ADAT1: variants seen among roughly 807,000 people sequenced by gnomAD.
ADAT1 encodes tRNA-specific adenosine deaminase 1.
In ADAT1, 58 loss-of-function variants were observed where a neutral mutation model predicts 58.6. The ratio of observed to expected loss-of-function variants is 0.99; its 90% CI spans 0.80 to 1.23. The LOEUF is 1.23. Among genes scored for constraint, ADAT1 ranks in the 50% most tolerant of loss-of-function variants. The probability of loss-of-function intolerance (pLI) is 0.00; values close to 1 mark genes in which losing one functional copy is unlikely to be tolerated. For missense variants in ADAT1, 741 were observed against 608.6 expected (o/e 1.22, Z -2.29); for synonymous variants, 254 against 220.8 (o/e 1.15, Z -1.33).
In ADAT1 at chr16:75,598,060, C is replaced by G. The variant is rs990853052; in HGVS notation, c.*2156G>C. ...CTGTTTGGACTTCTAGCCTCCAGAA[C>G]TGAAAGGGGATACAGTCTTTTCTTC... On this transcript the variant is annotated 3_prime_UTR_variant, in exon 10 of 10. Transcript: ENST00000564657. 6.3e-6 allele frequency: 1 copy of G among 157,630 alleles called. No homozygotes were observed. The highest frequency in any genetic ancestry group is 6.4e-5 in the Admixed American group (1 of 15,526). The allele number at this position is 157,630 out of a possible 1,614,324, so 9.8% of individuals were successfully genotyped here.
Position 75,597,834 on chromosome 16 carries a change from C to G in ADAT1, c.*2382G>C, listed in dbSNP as rs965312700. 5.3e-5 allele frequency among the ~76,000 whole-genome samples: 8 copies of G among 152,152 alleles called. No individual in the cohort carries two copies. The highest frequency in any genetic ancestry group is 3.3e-4 in the Admixed American group (5 of 15,288). On this transcript the variant is annotated 3_prime_UTR_variant, in exon 10 of 10. Coordinates refer to ENST00000564657, the MANE Select transcript of ADAT1 (RefSeq NM_001324445.2). ...GAATCTAATGCCACTGCTGGTATGACAGGAGGAGGAGCTACGGCAGAAATG... is the reference window on the plus strand; with the variant it reads ...GAATCTAATGCCACTGCTGGTATGAGAGGAGGAGGAGCTACGGCAGAAATG...
intron 9 of ADAT1, among the ~76,000 whole-genome samples, chr16:75,601,431 C>T (rs961833393): frequency 6.6e-6 from 1 of 151,970 alleles, no homozygotes; most frequent in African/African-American, 2.4e-5. Context: ...TTAATTGTCT[C>T]AGCTACCCTG....
rs1457325446 is a variant in ADAT1 at position 75,612,622 on chromosome 16, T to G, written c.664A>C (p.Lys222Gln). The G allele has an allele frequency of 6.2e-7, 1 of 1,613,968 alleles. No individual in the cohort carries two copies. The highest frequency in any genetic ancestry group is 2.2e-5 in the East Asian group (1 of 44,882). ...AAHHQSFGKQ[K>Q]SGPISPGIHS... ...ATGCCTGGTGAGATTGGGCCACTTT[T>G]CTGCTTGCCAAAACTCTGATGGTGA... is the stretch of plus-strand genomic sequence containing the variant. The change falls in exon 6 of 10, where the codon AAA (lysine) becomes CAA (glutamine). Residue 222 changes from lysine (K) to glutamine (Q), a missense_variant. Transcript: ENST00000564657.
Position 75,608,929 on chromosome 16 carries a change from T to C in ADAT1, c.1103A>G (p.Gln368Arg), listed in dbSNP as rs1426648905. 1.9e-6 allele frequency: 3 copies of C among 1,614,236 alleles called. No individual in the cohort carries two copies. The highest frequency in any genetic ancestry group is 2.7e-5 in the African/African-American group (2 of 75,064). ...GFGVQELKIL[Q>R]SDLLFEQSRS... ...GCTCTGTTCAAATAGTAAATCTGAC[T>C]GCAGTATTTTTAATTCTTGAACTCC... The change falls in exon 7 of 10, where the codon CAG becomes CGG. Residue 368 changes from glutamine (Q) to arginine (R), a missense_variant. Transcript: ENST00000564657.
At position 75,622,945 on chromosome 16, in the gene ADAT1, G is replaced by C. The variant is rs573147707; in HGVS notation, c.-564C>G. Reference sequence around the variant, plus strand: ...GCTGGAGAAGCCTGGGTGGGACCCCGAGTCGGCCAGTTACAGGATAGGAGG... The same window carrying C: ...GCTGGAGAAGCCTGGGTGGGACCCCCAGTCGGCCAGTTACAGGATAGGAGG... On this transcript the variant is annotated 5_prime_UTR_variant, in exon 1 of 10. Transcript: ENST00000564657. The C allele has an allele frequency of 1.3e-5, 2 of 152,322 alleles. No individual in the cohort carries two copies. Among genetic ancestry groups the C allele is most frequent in the African/African-American group, 4.8e-5 (2 of 41,458 alleles). 9.4% of individuals were successfully genotyped at this position (152,322 alleles called of 1,614,324 possible).
At chr16:75,608,374 G>A (rs1381463966) in intron 7 of ADAT1, 51 bp from the exon 8 acceptor site, 4 of 1,430,426 alleles carry the variant, frequency 2.8e-6, no homozygotes, top group East Asian at 4.6e-5. Context: ...TCTTGTGAAA[G>A]TCAGAAGTAT....
rs750387911 is a variant in ADAT1 at position 75,617,287 on chromosome 16, A to G, written c.294-15T>C. ...GGAGAAGGTACCTAAGGGTTGCAAG[A>G]TGTTATTAGGATGAACAACCGATCT... On this transcript the variant is annotated splice_polypyrimidine_tract_variant and intron_variant, in intron 4 of 9. Coordinates refer to ENST00000564657, the MANE Select transcript of ADAT1 (RefSeq NM_001324445.2). 6.2e-7 allele frequency: 1 copy of G among 1,609,176 alleles called. No individual in the cohort carries two copies. The highest frequency in any genetic ancestry group is 1.7e-5 in the Admixed American group (1 of 59,844).
At chr16:75,613,542 C>T (rs1567477651) in intron 5 of ADAT1, among the ~76,000 whole-genome samples, 1 of 152,146 alleles carries the variant, frequency 6.6e-6, no homozygotes, top group Non-Finnish European at 1.5e-5. Flanking sequence ...GACTCCTGAC[C>T]TCGAGTGATC....
chr16:75,610,542 G>A (rs563227625), intron 6 of ADAT1, among the ~76,000 whole-genome samples: 4 of 152,214 alleles, frequency 2.6e-5, no homozygotes, highest in African/African-American at 4.8e-5. Flanking sequence ...AGCAATCTGC[G>A]TGACATGGCC....
At chr16:75,609,512 C>A (rs2081463942) in intron 6 of ADAT1, among the ~76,000 whole-genome samples, 1 of 151,644 alleles carries the variant, frequency 6.6e-6, no homozygotes, top group Non-Finnish European at 1.5e-5. Flanking sequence ...TAAAAAAAAA[C>A]AAAAAACCAA....
rs2081586392 is a variant in ADAT1 at position 75,612,710 on chromosome 16, A to G, written c.576T>C (p.Pro192=). The G allele has an allele frequency of 6.2e-7, 1 of 1,613,944 alleles. No individual in the cohort carries two copies. Among genetic ancestry groups the G allele is most frequent in the Non-Finnish European group, 8.5e-7 (1 of 1,180,020 alleles). ...GCTCAAGCCTCATCTTTTTGGTTAC[A>G]GGACTGTCAGGGTCTTCACATTTTC... ...NERKCEDPDS[P]VTKKMRLEPG... is the part of the protein sequence containing the mutation. The change falls in exon 6 of 10, where the codon CCT becomes CCC. Residue 192 remains proline, a synonymous_variant. Transcript: ENST00000564657.
chr16:75,604,474 TACACACACACACACACACACACACACAC>T (rs373687206), intron 8 of ADAT1, among the ~76,000 whole-genome samples: 1 of 54,014 alleles, frequency 1.9e-5, no homozygotes, highest in Non-Finnish European at 2.8e-5. Flanking sequence ...TATATATATA[TACACACACACACACACACACACACACAC>T]ACACACACAC....
At chr16:75,604,458 T>TAAA (rs1567464627) in intron 8 of ADAT1, among the ~76,000 whole-genome samples, 1 of 30,850 alleles carries the variant, frequency 3.2e-5, no homozygotes, top group African/African-American at 2.0e-4. Flanking sequence ...AAAAAAAAAA[T>TAAA]ATATATATAT....
intron 8 of ADAT1, among the ~76,000 whole-genome samples, chr16:75,606,200 C>CCAA (rs2081367944): frequency 6.6e-6 from 1 of 151,852 alleles, no homozygotes; most frequent in Admixed American, 6.6e-5. Context: ...TATCTAGCAA[C>CCAA]CAACAGTAAT....
chr16:75,604,455 AAAT>A (rs2081310835), intron 8 of ADAT1, among the ~76,000 whole-genome samples: 2 of 71,530 alleles, frequency 2.8e-5, no homozygotes, highest in African/African-American at 1.5e-4. Flanking sequence ...AAAAAAAAAA[AAAT>A]ATATATATAT....
At position 75,599,463 on chromosome 16, in the gene ADAT1, G is replaced by T. The variant is rs2081166245; in HGVS notation, c.*753C>A. The T allele has an allele frequency of 3.0e-6, 3 of 985,768 alleles. No individual in the cohort carries two copies. The highest frequency in any genetic ancestry group is 3.6e-6 in the Non-Finnish European group (3 of 829,916). 61.1% of individuals were successfully genotyped at this position (985,768 alleles called of 1,614,324 possible). ...ACAGGCTTAATCAAAATAACAACAG[G>T]AATCTGTCTCACATAATTGAGACAT... On this transcript the variant is annotated 3_prime_UTR_variant, in exon 10 of 10. Coordinates refer to ENST00000564657, the MANE Select transcript of ADAT1 (RefSeq NM_001324445.2).
chr16:75,601,025 C>T (rs2081215103), intron 9 of ADAT1, among the ~76,000 whole-genome samples: 1 of 152,094 alleles, frequency 6.6e-6, no homozygotes, highest in Admixed American at 6.6e-5. Flanking sequence ...AAAATAAAAA[C>T]AACTGTCTAC....
At position 75,608,952 on chromosome 16, in the gene ADAT1, T is replaced by G; in HGVS notation, c.1080A>C (p.Gly360=). 1.2e-6 allele frequency: 2 copies of G among 1,614,206 alleles called. No homozygotes were observed. Among genetic ancestry groups the G allele is most frequent in the Non-Finnish European group, 1.7e-6 (2 of 1,180,026 alleles). The change falls in exon 7 of 10, where the codon GGA becomes GGC. Residue 360 remains glycine (G), a synonymous_variant. Transcript: ENST00000564657. ...QNVSALPKGF[G]VQELKILQSD... ...ACTGCAGTATTTTTAATTCTTGAAC[T>G]CCGAAGCCTTTTGGTAAAGCAGACA...
intron 9 of ADAT1, 26 bp downstream of exon 9, chr16:75,603,059 G>T (rs368592463): frequency 1.9e-6 from 3 of 1,600,078 alleles, no homozygotes; most frequent in Non-Finnish European, 2.6e-6. Flanking sequence ...ACCTAAATAT[G>T]AGAAAACATA....
Sources: gnomAD v4.1 joint callset for allele counts (sites outside exome capture counted in the v4.1 genomes callset) on GRCh38, gnomAD v4.1.1 for gene constraint, MANE v1.5 for transcripts, NCBI Gene and HGNC (gene_info 2026-07-23, HGNC 2026-07-21) for gene names.